HTR2C: variants seen among roughly 807,000 people sequenced by gnomAD.
HTR2C encodes the protein 5-hydroxytryptamine (serotonin) receptor 2C, G protein-coupled.
In HTR2C, 5 loss-of-function variants were observed where a neutral mutation model predicts 21.0. That is an observed-to-expected ratio of 0.24 (90% CI 0.12 to 0.50). The LOEUF is 0.50. HTR2C is among the 20% of genes least tolerant of loss of function. HTR2C has a pLI of 0.98. For missense variants in HTR2C, 271 were observed against 371.2 expected (o/e 0.73, Z 2.22); for synonymous variants, 150 against 145.3 (o/e 1.03, Z -0.23).
At chrX:114,604,377 G>A (rs1255412134) in intron 1 of HTR2C, among the ~76,000 whole-genome samples, 2 of 110,283 alleles carry the variant, frequency 1.8e-5, no homozygotes, top group African/African-American at 6.6e-5. Flanking sequence ...TTAGAAGCCT[G>A]GCCGTCAATA....
chrX:114,865,323 T>C (rs1556474254), intron 5 of HTR2C, among the ~76,000 whole-genome samples: 1 of 112,024 alleles, frequency 8.9e-6, no homozygotes, highest in African/African-American at 3.2e-5. Flanking sequence ...TATTTCCAGT[T>C]GTTGGATGTT....
intron 5 of HTR2C, among the ~76,000 whole-genome samples, chrX:114,862,763 C>T (rs913424148): frequency 3.6e-5 from 4 of 110,898 alleles, no homozygotes; most frequent in Non-Finnish European, 7.6e-5. Context: ...GTTTTGGCGA[C>T]GTTACAATTC....
intron 4 of HTR2C, among the ~76,000 whole-genome samples, chrX:114,752,272 A>C (rs1350212256): frequency 8.9e-6 from 1 of 112,295 alleles, no homozygotes; most frequent in Admixed American, 9.5e-5. Context: ...TGCACAAATC[A>C]GAAAAATATT....
intron 2 of HTR2C, among the ~76,000 whole-genome samples, chrX:114,675,693 T>C (rs1931529037): frequency 3.6e-5 from 4 of 111,763 alleles, no homozygotes; most frequent in Non-Finnish European, 1.9e-5. Flanking sequence ...TCATACAATA[T>C]GTGATGACCT....
intron 4 of HTR2C, among the ~76,000 whole-genome samples, chrX:114,758,364 C>G (rs191279783): frequency 9.1e-6 from 1 of 109,864 alleles, no homozygotes; most frequent in Non-Finnish European, 1.9e-5. Context: ...AATTTGGGAA[C>G]AGCCTGGGCA....
At chrX:114,668,456 AGAGATGCTGT>A (rs1462970746) in intron 2 of HTR2C, among the ~76,000 whole-genome samples, 1 of 111,856 alleles carries the variant, frequency 8.9e-6, no homozygotes, top group Non-Finnish European at 1.9e-5. Flanking sequence ...TTTAGCTCTT[AGAGATGCTGT>A]GAGGGAAGCC....
At chrX:114,621,794 G>A (rs782745734) in intron 2 of HTR2C, among the ~76,000 whole-genome samples, 17 of 112,190 alleles carry the variant, frequency 1.5e-4, no homozygotes, top group Middle Eastern at 4.6e-3. Context: ...GCCCGTCTAG[G>A]TTGAGAAGGC....
At chrX:114,696,811 G>T (rs1361634514) in intron 2 of HTR2C, among the ~76,000 whole-genome samples, 1 of 109,622 alleles carries the variant, frequency 9.1e-6, no homozygotes, top group Non-Finnish European at 1.9e-5. Flanking sequence ...ATTCTCTGTG[G>T]GCCTAGCATT....
chrX:114,811,421 CAATAGT>C (rs2070530772), intron 4 of HTR2C, among the ~76,000 whole-genome samples: 1 of 111,249 alleles, frequency 9.0e-6, no homozygotes, highest in South Asian at 3.8e-4. Flanking sequence ...ACTCCAATGG[CAATAGT>C]AATACAGTAT....
intron 1 of HTR2C, among the ~76,000 whole-genome samples, chrX:114,612,960 C>T (rs1556399011): frequency 9.2e-6 from 1 of 108,308 alleles, no homozygotes; most frequent in African/African-American, 3.4e-5. Context: ...TTTTTTGAGA[C>T]AGAGTCTTGC....
chrX:114,648,644 C>T lies in HTR2C; in HGVS notation c.-80+34763C>T, dbSNP rs782425412. 5.4e-5 allele frequency among the ~76,000 whole-genome samples: 6 copies of T among 111,568 alleles called. No homozygotes were observed. The South Asian group carries it at 2.3e-3, about 42-fold the overall frequency. On this transcript the variant is annotated intron_variant, in intron 2 of 5. Transcript: ENST00000276198. ...TCAGGAAGCTGAGGTAGGAGGACTG[C>T]TTGAGCCCAACAGGTTGAGGCCGCA...
chrX:114,639,391 A>C (rs782258540), intron 2 of HTR2C: 1 of 113,232 alleles, frequency 8.8e-6, no homozygotes, highest in African/African-American at 3.3e-5. Flanking sequence ...ACTCTGCCAT[A>C]GTATAAAGAA....
intron 5 of HTR2C, among the ~76,000 whole-genome samples, chrX:114,896,603 C>G (rs1556484136): frequency 8.9e-6 from 1 of 112,188 alleles, no homozygotes; most frequent in Non-Finnish European, 1.9e-5. Context: ...CCACTTTCAT[C>G]TCTGCTAATA....
chrX:114,884,685 A>G (rs901016005), intron 5 of HTR2C, among the ~76,000 whole-genome samples: 7 of 111,690 alleles, frequency 6.3e-5, no homozygotes, highest in South Asian at 3.7e-4. Context: ...AGAAAAGGCA[A>G]CCCTTGCACA....
At chrX:114,675,868 C>CT (rs1556412476) in intron 2 of HTR2C, among the ~76,000 whole-genome samples, 14,062 of 94,114 alleles carry the variant, frequency 0.15, 1,174 homozygotes, top group South Asian at 0.3. Context: ...TTTCTTTTTT[C>CT]TTTTTTCTTT....
intron 2 of HTR2C, among the ~76,000 whole-genome samples, chrX:114,680,969 G>T (rs1431477756): frequency 9.0e-6 from 1 of 111,177 alleles, no homozygotes; most frequent in Non-Finnish European, 1.9e-5. Context: ...TTGCCTTCTA[G>T]GGATAAAATA....
intron 2 of HTR2C, among the ~76,000 whole-genome samples, chrX:114,650,255 G>A: frequency 8.9e-6 from 1 of 111,890 alleles, no homozygotes; most frequent in Admixed American, 9.5e-5. Context: ...AGAGGCCCCA[G>A]TTTAATGTAT....
intron 5 of HTR2C, among the ~76,000 whole-genome samples, chrX:114,859,384 T>G (rs782581588): frequency 1.1e-4 from 12 of 111,053 alleles, no homozygotes; most frequent in African/African-American, 3.6e-4. Flanking sequence ...AATTATAGAT[T>G]CAATTGCTTC....
At chrX:114,745,918 C>A (rs1556425993) in intron 4 of HTR2C, among the ~76,000 whole-genome samples, 1 of 111,263 alleles carries the variant, frequency 9.0e-6, no homozygotes, top group Non-Finnish European at 1.9e-5. Flanking sequence ...TGACTATAGT[C>A]AATAAAAACT....
Sources: gnomAD v4.1 joint callset for allele counts (sites outside exome capture counted in the v4.1 genomes callset) on GRCh38, gnomAD v4.1.1 for gene constraint, MANE v1.5 for transcripts, NCBI Gene and HGNC (gene_info 2026-07-23, HGNC 2026-07-21) for gene names.